The following SNX9 variants were observed in gnomAD, a reference collection of about 807,000 sequenced individuals.
SNX9 encodes the protein sorting nexin-9.
SNX9 carries 44 observed loss-of-function variants against 89.4 expected under a neutral mutation model. The ratio of observed to expected loss-of-function variants is 0.49; its 90% confidence interval spans 0.39 to 0.63. The LOEUF is 0.63. Ranked by LOEUF, SNX9 falls within the 30% of genes least tolerant of loss-of-function variation. SNX9 has a pLI of 0.00. For synonymous variants in SNX9, 236 were observed against 247.8 expected (o/e 0.95, Z 0.45); for missense variants, 578 against 736.1 (o/e 0.79, Z 2.49).
At chr6:157,897,242 CT>C (rs1417823944) in intron 5 of SNX9, among the ~76,000 whole-genome samples, 1 of 152,186 alleles carries the variant, frequency 6.6e-6, no homozygotes, top group African/African-American at 2.4e-5. Flanking sequence ...CCACTCCCAC[CT>C]TGGGTTCAAT....
Position 157,927,177 on chromosome 6 carries a change from A to G in SNX9, c.1147A>G (p.Met383Val), listed in dbSNP as rs369895280. The change falls in exon 11 of 18, where the codon ATG becomes GTG. Residue 383 changes from methionine to valine, a missense_variant. Physicochemically the swap from Met to Val is conservative, Grantham distance 21. This residue lies in a region of SNX9 where 348 missense variants were observed against 491.4 expected (regional missense o/e 0.71). Transcript: ENST00000392185. ...ELAGVMIFST[M>V]EPEAPDLDLV... ...GGCGGGAGTCATGATATTTTCCACCATGGAACCAGAGGCACCTGACTTGGA... is the reference window on the plus strand; with the variant it reads ...GGCGGGAGTCATGATATTTTCCACCGTGGAACCAGAGGCACCTGACTTGGA... The G allele has an allele frequency of 2.1e-5, 34 of 1,614,012 alleles. No homozygotes were observed. The highest frequency in any genetic ancestry group is 1.6e-4 in the Middle Eastern group (1 of 6,084).
At chr6:157,866,550 G>A (rs1003289179) in intron 1 of SNX9, among the ~76,000 whole-genome samples, 7 of 152,174 alleles carry the variant, frequency 4.6e-5, no homozygotes, top group African/African-American at 1.7e-4. Context: ...CTCCAGCCTG[G>A]GTGACAGAGT....
chr6:157,939,732 A>G (rs1213777307), intron 16 of SNX9, among the ~76,000 whole-genome samples: 1 of 152,222 alleles, frequency 6.6e-6, no homozygotes, highest in Non-Finnish European at 1.5e-5. Flanking sequence ...AGGGTTTGAA[A>G]TGGGGAGTTT....
chr6:157,899,167 G>A (rs1165649712), intron 5 of SNX9, among the ~76,000 whole-genome samples: 5 of 150,802 alleles, frequency 3.3e-5, no homozygotes, highest in African/African-American at 9.9e-5. Flanking sequence ...GGGGATTATT[G>A]TCAGAATAGT....
chr6:157,834,149 G>GTTTTTTTTT lies in SNX9; in HGVS notation c.12+10703_12+10704insTTTTTTTTT, dbSNP rs1491214417. Reference sequence around the variant, plus strand: ...GATCCTGCCATGTGGTGTCCACTGTGGTTTTTTTTTTTTTTTTTTTTTTTT... The same window carrying GTTTTTTTTT: ...GATCCTGCCATGTGGTGTCCACTGTGTTTTTTTTTGTTTTTTTTTTTTTTTTTTTTTTTT... On this transcript the variant is annotated intron_variant, in intron 1 of 17. Transcript: ENST00000392185. Among the ~76,000 whole-genome samples the GTTTTTTTTT allele has an allele frequency of 1.1e-3, 67 of 60,044 alleles. 1 individual carries two copies. Among genetic ancestry groups the GTTTTTTTTT allele is most frequent in the African/African-American group, 2.3e-3 (35 of 15,068 alleles). The allele number at this position is 60,044 out of a possible 152,430, so 39.4% of individuals were successfully genotyped here.
chr6:157,857,332 A>G (rs1406295962), intron 1 of SNX9, among the ~76,000 whole-genome samples: 1 of 152,028 alleles, frequency 6.6e-6, no homozygotes, highest in South Asian at 2.1e-4. Context: ...TATGTTTTAT[A>G]TGGGATTCTT....
intron 2 of SNX9, among the ~76,000 whole-genome samples, chr6:157,868,536 A>G (rs1344582077): frequency 6.6e-6 from 1 of 152,208 alleles, no homozygotes; most frequent in Non-Finnish European, 1.5e-5. Flanking sequence ...GTTGTCAGGA[A>G]GCTTAGAGGC....
At chr6:157,931,216 C>CT (rs1438439645) in intron 12 of SNX9, among the ~76,000 whole-genome samples, 3 of 152,162 alleles carry the variant, frequency 2.0e-5, no homozygotes, top group African/African-American at 7.2e-5. Context: ...TGCCAGGTGC[C>CT]TTTAGGTAGA....
chr6:157,905,652 A>G (rs558004854), intron 6 of SNX9, among the ~76,000 whole-genome samples: 8 of 152,026 alleles, frequency 5.3e-5, no homozygotes, highest in Non-Finnish European at 1.0e-4. Flanking sequence ...AAACAAGCAC[A>G]TATGCTGATG....
intron 1 of SNX9, among the ~76,000 whole-genome samples, chr6:157,863,349 A>G (rs1282332473): frequency 6.6e-6 from 1 of 152,214 alleles, no homozygotes; most frequent in Admixed American, 6.5e-5. Flanking sequence ...TGGAGCATTG[A>G]ATGGAGAGCT....
chr6:157,910,288 C>A (rs1347147755), intron 9 of SNX9, among the ~76,000 whole-genome samples: 2 of 152,234 alleles, frequency 1.3e-5, no homozygotes, highest in Admixed American at 1.3e-4. Context: ...TCATTGTCTT[C>A]ATTGCTGTAC....
chr6:157,844,587 G>GTTTGTTTTT (rs1781763832), intron 1 of SNX9, among the ~76,000 whole-genome samples: 2 of 130,298 alleles, frequency 1.5e-5, no homozygotes, highest in Admixed American at 7.5e-5. Context: ...GCTAATCCTT[G>GTTTGTTTTT]TTTTTTTTTT....
At chr6:157,852,722 G>A (rs1781937877) in intron 1 of SNX9, among the ~76,000 whole-genome samples, 1 of 152,058 alleles carries the variant, frequency 6.6e-6, no homozygotes, top group Admixed American at 6.6e-5. Context: ...GACTACAGAT[G>A]CAGACCACCA....
chr6:157,873,545 T>G (rs889958373), intron 3 of SNX9, among the ~76,000 whole-genome samples: 1 of 147,536 alleles, frequency 6.8e-6, no homozygotes, highest in African/African-American at 2.5e-5. Context: ...ATATATCTGT[T>G]AATATATACA....
intron 1 of SNX9, among the ~76,000 whole-genome samples, chr6:157,863,434 A>C (rs948676124): frequency 6.6e-6 from 1 of 152,242 alleles, no homozygotes; most frequent in Non-Finnish European, 1.5e-5. Flanking sequence ...ATTGATGTCT[A>C]GTAGCCATTC....
intron 9 of SNX9, among the ~76,000 whole-genome samples, chr6:157,915,037 T>G (rs1250678695): frequency 6.6e-6 from 1 of 152,200 alleles, no homozygotes; most frequent in Non-Finnish European, 1.5e-5. Flanking sequence ...TCACACCATC[T>G]TTTGGAAAGA....
chr6:157,909,913 T>C lies in SNX9; in HGVS notation c.837T>C (p.Thr279=), dbSNP rs756062887. 4 of 1,613,908 alleles carry C rather than the reference T, an allele frequency of 2.5e-6. No individual in the cohort carries two copies. The highest frequency in any genetic ancestry group is 2.7e-5 in the African/African-American group (2 of 74,936). The part of the protein sequence containing the change: ...YIEYQLTPTN[T]NRSVNHRYKH... ...CTCTTTCCCTTATTTTGTAGAACAC[T>C]AATCGATCTGTAAACCACAGGTATA... is the stretch of plus-strand genomic sequence containing the variant. Residue 279 remains threonine, a synonymous_variant, in exon 9 of 18, where the codon ACT becomes ACC. Coordinates refer to ENST00000392185, the MANE Select transcript of SNX9 (RefSeq NM_016224.5).
chr6:157,890,581 A>G (rs766776806), intron 4 of SNX9, among the ~76,000 whole-genome samples: 1 of 152,198 alleles, frequency 6.6e-6, no homozygotes, highest in Non-Finnish European at 1.5e-5. Flanking sequence ...TGGTGATTAC[A>G]TAGATTTAAG....
intron 9 of SNX9, among the ~76,000 whole-genome samples, chr6:157,913,124 G>A (rs1783384433): frequency 6.6e-6 from 1 of 152,190 alleles, no homozygotes; most frequent in Non-Finnish European, 1.5e-5. Flanking sequence ...GCCAGGAGGT[G>A]AATTGTCTTT....
Sources: allele counts gnomAD v4.1 joint callset (sites outside exome capture counted in the v4.1 genomes callset), GRCh38; gene constraint gnomAD v4.1.1; regional missense constraint gnomAD v4.1.1; transcripts MANE v1.5; gene names NCBI Gene and HGNC (gene_info 2026-07-23, HGNC 2026-07-21).